Variants in PLB1 observed in about 807,000 individuals in gnomAD.
PLB1 encodes phospholipase B1.
Under a neutral mutation model 227.4 loss-of-function variants are expected in PLB1, and 242 were observed. That is an observed-to-expected ratio of 1.06 (90% CI 0.96 to 1.18). PLB1 has a LOEUF of 1.18. Among genes scored for constraint, PLB1 ranks in the 50% most tolerant of loss-of-function variants. PLB1 has a pLI of 0.00. For missense variants in PLB1, 1,858 were observed against 1,816.3 expected, an observed-to-expected ratio of 1.02 and a Z score of -0.42; for synonymous variants, 757 against 682.2, an observed-to-expected ratio of 1.11 and a Z score of -1.71.
chr2:28,617,889 C>A, intron 45 of PLB1, 102 bp downstream of exon 45: 2 of 1,201,994 alleles, frequency 1.7e-6, no homozygotes, highest in Non-Finnish European at 2.5e-6. Context: ...GCAGGACTTG[C>A]TAATTCCCCT....
intron 51 of PLB1, among the ~76,000 whole-genome samples, chr2:28,627,592 G>A (rs1166896829): frequency 6.6e-6 from 1 of 152,202 alleles, no homozygotes; most frequent in Non-Finnish European, 1.5e-5. Flanking sequence ...CTTCGGCATG[G>A]ATTGTCTATC....
intron 54 of PLB1, among the ~76,000 whole-genome samples, 189 bp downstream of exon 54, chr2:28,630,853 A>C (rs1027859076): frequency 4.6e-5 from 7 of 152,156 alleles, no homozygotes; most frequent in Admixed American, 4.6e-4. Flanking sequence ...GAGACCCCAA[A>C]GTGGAAGCTG....
chr2:28,641,334 G>A (rs535974502), intron 57 of PLB1, among the ~76,000 whole-genome samples: 3 of 152,326 alleles, frequency 2.0e-5, no homozygotes, highest in East Asian at 1.9e-4. Context: ...AAGGCCAGGC[G>A]TGGTGGCTCA....
rs1464577495 is a variant in PLB1 at position 28,525,296 on chromosome 2, G to T, written c.273G>T (p.Glu91Asp). The change falls in exon 5 of 58, where the codon GAG becomes GAT. Residue 91 changes from glutamate to aspartate, a missense_variant. Coordinates refer to ENST00000327757, the MANE Select transcript of PLB1 (RefSeq NM_153021.5). ...CAGACCCAGGGACGGGCGATCTGGA[G>T]AAGCAAGACTGGTAACTATCCTGAA... The part of the protein sequence containing the change: ...IPPDPGTGDL[E>D]KQDWTERPQQ... The T allele has an allele frequency of 6.2e-7, 1 of 1,613,752 alleles. No homozygotes were observed. Among genetic ancestry groups the T allele is most frequent in the Admixed American group, 1.7e-5 (1 of 60,004 alleles).
chr2:28,637,717 A>T (rs11691738), intron 56 of PLB1, among the ~76,000 whole-genome samples: 4 of 151,966 alleles, frequency 2.6e-5, no homozygotes, highest in African/African-American at 7.3e-5. Context: ...CTGTGGTGTT[A>T]CACACCTCTG....
intron 21 of PLB1, 80 bp downstream of exon 21, chr2:28,573,385 G>C (rs1404806713): frequency 1.2e-5 from 13 of 1,058,988 alleles, no homozygotes; most frequent in Non-Finnish European, 1.8e-5. Flanking sequence ...CTGGGTTTAT[G>C]GCTGAAGGTT....
At chr2:28,549,866 G>T in intron 15 of PLB1, 144 bp from the exon 16 acceptor site, 1 of 598,616 alleles carries the variant, frequency 1.7e-6, no homozygotes, top group Non-Finnish European at 3.0e-6. Context: ...CCAGAGAGAA[G>T]AGCCAGAGAA....
intron 1 of PLB1, among the ~76,000 whole-genome samples, chr2:28,508,683 C>T (rs1177457324): frequency 6.6e-6 from 1 of 152,234 alleles, no homozygotes; most frequent in Non-Finnish European, 1.5e-5. Context: ...TGGGCCCTCC[C>T]CTTCCAAGCT....
intron 20 of PLB1, among the ~76,000 whole-genome samples, chr2:28,570,388 A>G (rs572567767): frequency 5.9e-5 from 9 of 152,240 alleles, no homozygotes; most frequent in Non-Finnish European, 1.3e-4. Context: ...AATTAATGTA[A>G]TATTCTATGT....
chr2:28,602,980 C>A, intron 39 of PLB1, 59 bp downstream of exon 39: 1 of 1,449,086 alleles, frequency 6.9e-7, no homozygotes, highest in Non-Finnish European at 9.7e-7. Context: ...GTCTGGCCCA[C>A]ATGCAGTGGT....
intron 56 of PLB1, among the ~76,000 whole-genome samples, chr2:28,634,248 G>GTCTT (rs1450413098): frequency 3.3e-5 from 5 of 152,188 alleles, no homozygotes; most frequent in African/African-American, 9.7e-5. Flanking sequence ...TAACCAAAAT[G>GTCTT]TCTTTGAGTT....
intron 26 of PLB1, among the ~76,000 whole-genome samples, chr2:28,586,612 T>C (rs1438073070): frequency 6.6e-6 from 1 of 152,184 alleles, no homozygotes; most frequent in African/African-American, 2.4e-5. Context: ...GCCACCCATT[T>C]TGGGGGCAGC....
At chr2:28,516,773 G>A (rs200310454) in intron 1 of PLB1, 35 bp from the exon 2 acceptor site, 2 of 1,591,362 alleles carry the variant, frequency 1.3e-6, no homozygotes, top group African/African-American at 2.7e-5. Context: ...GTTAATTCCA[G>A]CTAAATAACT....
intron 33 of PLB1, chr2:28,595,467 T>A (rs1290585211): frequency 1.3e-5 from 2 of 152,136 alleles, no homozygotes; most frequent in Non-Finnish European, 2.9e-5. Flanking sequence ...GAGAAAATCC[T>A]TTGTATCTGA....
At chr2:28,597,898 G>A in intron 33 of PLB1, 107 bp from the exon 34 acceptor site, 1 of 1,073,346 alleles carries the variant, frequency 9.3e-7, no homozygotes, top group Non-Finnish European at 1.4e-6. Context: ...TCTCAAAGGT[G>A]CCGATGGGCA....
At chr2:28,605,189 G>A (rs902116515) in intron 41 of PLB1, among the ~76,000 whole-genome samples, 6 of 152,300 alleles carry the variant, frequency 3.9e-5, no homozygotes, top group Admixed American at 2.6e-4. Context: ...GCAACGCTGC[G>A]GTTATAAGGG....
In PLB1 at chr2:28,529,728, A is replaced by T; in HGVS notation, c.417A>T (p.Glu139Asp). The T allele has an allele frequency of 6.2e-7, 1 of 1,614,066 alleles. No homozygotes were observed. Among genetic ancestry groups the T allele is most frequent in the Non-Finnish European group, 8.5e-7 (1 of 1,179,946 alleles). Residue 139 changes from glutamate (E) to aspartate (D), a missense_variant and splice_region_variant, in exon 8 of 58, where the codon GAA becomes GAT. Coordinates refer to ENST00000327757, the MANE Select transcript of PLB1 (RefSeq NM_153021.5). The part of the protein sequence containing the change: ...GKRVIPHDGA[E>D]DLWIQAQELV... ...TCTCTGTTTCCCTCCCTCTGCACAGAGACTTGTGGATTCAGGCTCAAGAAC... is the reference window on the plus strand; with the variant it reads ...TCTCTGTTTCCCTCCCTCTGCACAGTGACTTGTGGATTCAGGCTCAAGAAC...
chr2:28,585,129 T>C (rs548221421), intron 25 of PLB1, among the ~76,000 whole-genome samples: 1 of 152,320 alleles, frequency 6.6e-6, no homozygotes, highest in South Asian at 2.1e-4. Flanking sequence ...TTAGCAATTA[T>C]TATTGTTGTC....
chr2:28,533,244 T>A (rs576541928), intron 9 of PLB1, among the ~76,000 whole-genome samples: 2 of 152,208 alleles, frequency 1.3e-5, no homozygotes, highest in Non-Finnish European at 2.9e-5. Context: ...TGGAAGAACA[T>A]TGATGGAAAT....
Sources: allele counts gnomAD v4.1 joint callset (sites outside exome capture counted in the v4.1 genomes callset), GRCh38; gene constraint gnomAD v4.1.1; transcripts MANE v1.5; gene names NCBI Gene and HGNC (gene_info 2026-07-23, HGNC 2026-07-21).